CDYL: variants seen among roughly 807,000 people sequenced by gnomAD.
The protein encoded by CDYL is chromodomain Y-like protein.
CDYL carries 8 observed loss-of-function variants against 47.3 expected under a neutral mutation model. The observed-to-expected ratio is 0.17, with a 90% CI of 0.10 to 0.31. CDYL has a LOEUF of 0.31. Among genes scored for constraint, CDYL ranks in the 10% least tolerant of loss-of-function variants. The pLI, the probability that CDYL is intolerant of heterozygous loss-of-function variation, is 1.00. For synonymous variants in CDYL, 266 were observed against 265.0 expected, an observed-to-expected ratio of 1.00 and a Z score of -0.04; for missense variants, 471 against 701.4, an observed-to-expected ratio of 0.67 and a Z score of 3.71.
intron 2 of CDYL, among the ~76,000 whole-genome samples, chr6:4,916,914 G>T (rs1399423178): frequency 6.6e-5 from 10 of 152,204 alleles, no homozygotes; most frequent in Non-Finnish European, 1.3e-4. Flanking sequence ...TGACAGGTGG[G>T]CCCTGAGGCT....
chr6:4,873,494 T>A (rs1179419220), intron 1 of CDYL, among the ~76,000 whole-genome samples: 3 of 152,156 alleles, frequency 2.0e-5, no homozygotes, highest in Non-Finnish European at 4.4e-5. Context: ...TGGTATTTGG[T>A]TTCCTTATGG....
intron 1 of CDYL, among the ~76,000 whole-genome samples, chr6:4,827,168 C>T (rs116222643): frequency 0.023 from 3,435 of 152,238 alleles, 136 homozygotes; most frequent in African/African-American, 0.078. Flanking sequence ...TTACTACTTT[C>T]CCTTTCAACC....
chr6:4,917,815 A>C (rs1026459562), intron 2 of CDYL, among the ~76,000 whole-genome samples: 2 of 152,206 alleles, frequency 1.3e-5, no homozygotes, highest in Non-Finnish European at 2.9e-5. Context: ...TACTCTGGGT[A>C]ATTACAGATG....
intron 3 of CDYL, among the ~76,000 whole-genome samples, chr6:4,735,754 G>A (rs1038009101): frequency 6.6e-6 from 1 of 151,562 alleles, no homozygotes; most frequent in Non-Finnish European, 1.5e-5. Flanking sequence ...CAACAAGAGC[G>A]AAACTCCATC....
intron 2 of CDYL, 126 bp from the exon 3 acceptor site, chr6:4,935,389 T>G (rs1323934108): frequency 2.4e-6 from 2 of 847,970 alleles, no homozygotes; most frequent in Non-Finnish European, 3.7e-6. Context: ...GTTCTAAGTT[T>G]TAATATTCTT....
intron 3 of CDYL, among the ~76,000 whole-genome samples, chr6:4,756,045 G>A (rs558090487): frequency 3.3e-5 from 5 of 151,822 alleles, no homozygotes; most frequent in African/African-American, 9.7e-5. Context: ...ATATTGCCTC[G>A]TCCTGATTTT....
At chr6:4,835,888 C>T (rs999235164) in intron 1 of CDYL, among the ~76,000 whole-genome samples, 9 of 152,162 alleles carry the variant, frequency 5.9e-5, no homozygotes, top group Non-Finnish European at 1.2e-4. Flanking sequence ...GAGCCAGGTG[C>T]GGGATATAAT....
intron 2 of CDYL, among the ~76,000 whole-genome samples, chr6:4,725,854 C>T (rs987423843): frequency 1.8e-4 from 28 of 152,344 alleles, no homozygotes; most frequent in Middle Eastern, 6.8e-3. Context: ...ACTCCGGACA[C>T]GCTGTCACCT....
chr6:4,871,704 G>A (rs955656118), intron 1 of CDYL, among the ~76,000 whole-genome samples: 2 of 152,070 alleles, frequency 1.3e-5, no homozygotes, highest in African/African-American at 2.4e-5. Flanking sequence ...ATATTTGGCC[G>A]TGTCCTCTCC....
At chr6:4,940,006 C>A (rs1247087505) in intron 4 of CDYL, among the ~76,000 whole-genome samples, 1 of 152,112 alleles carries the variant, frequency 6.6e-6, no homozygotes, top group Non-Finnish European at 1.5e-5. Context: ...GCAGCTCACT[C>A]CTCCCTCCAG....
At chr6:4,893,671 T>TG (rs371525777) in intron 2 of CDYL, among the ~76,000 whole-genome samples, 204 of 145,822 alleles carry the variant, frequency 1.4e-3, no homozygotes, top group African/African-American at 5.0e-3. Context: ...CCAGCCAGGG[T>TG]GACAGAGTGA....
At chr6:4,884,579 G>A (rs1761851065) in intron 1 of CDYL, among the ~76,000 whole-genome samples, 1 of 152,202 alleles carries the variant, frequency 6.6e-6, no homozygotes, top group South Asian at 2.1e-4. Context: ...AAGAGAGTGA[G>A]CGCATTTGTG....
chr6:4,782,407 C>A (rs1758640918), intron 1 of CDYL, among the ~76,000 whole-genome samples: 1 of 152,122 alleles, frequency 6.6e-6, no homozygotes, highest in African/African-American at 2.4e-5. Context: ...TCCTTACTTA[C>A]CTCGAGGTTC....
intron 2 of CDYL, among the ~76,000 whole-genome samples, chr6:4,914,003 C>T (rs939853268): frequency 6.6e-6 from 1 of 152,162 alleles, no homozygotes; most frequent in African/African-American, 2.4e-5. Context: ...AGAGGACTGA[C>T]TGCTCTCTCT....
chr6:4,910,761 A>C (rs548550644), intron 2 of CDYL, among the ~76,000 whole-genome samples: 1 of 152,148 alleles, frequency 6.6e-6, no homozygotes, highest in Non-Finnish European at 1.5e-5. Context: ...GATGGTTTGG[A>C]TAGAAGGCAT....
intron 1 of CDYL, among the ~76,000 whole-genome samples, chr6:4,713,368 G>A (rs1757187550): frequency 6.6e-6 from 1 of 152,098 alleles, no homozygotes; most frequent in Non-Finnish European, 1.5e-5. Context: ...CCAAGACGCA[G>A]GCCGCAGGCT....
intron 1 of CDYL, among the ~76,000 whole-genome samples, chr6:4,777,491 T>C (rs1009308360): frequency 1.3e-5 from 2 of 152,208 alleles, no homozygotes; most frequent in African/African-American, 4.8e-5. Flanking sequence ...AGTTACCAAT[T>C]TGGATCTTTA....
At chr6:4,803,333 C>G (rs1759278522) in intron 1 of CDYL, among the ~76,000 whole-genome samples, 1 of 152,162 alleles carries the variant, frequency 6.6e-6, no homozygotes, top group African/African-American at 2.4e-5. Context: ...CAGCTTTTGC[C>G]CATTTATCAT....
chr6:4,878,983 CT>C (rs1157130665), intron 1 of CDYL, among the ~76,000 whole-genome samples: 2 of 152,002 alleles, frequency 1.3e-5, no homozygotes, highest in East Asian at 3.9e-4. Flanking sequence ...GAAAAATTTA[CT>C]AATTGCTTAT....
Sources: allele counts gnomAD v4.1 joint callset (sites outside exome capture counted in the v4.1 genomes callset), GRCh38; gene constraint gnomAD v4.1.1; transcripts MANE v1.5; gene names NCBI Gene and HGNC (gene_info 2026-07-23, HGNC 2026-07-21).